Variants in NRP2 observed in about 807,000 individuals in gnomAD.
The protein encoded by NRP2 is neuropilin-2.
In NRP2, 52 loss-of-function variants were observed where a neutral mutation model predicts 110.4. That is an observed-to-expected ratio of 0.47 (90% CI 0.38 to 0.59). The LOEUF (loss-of-function observed/expected upper bound fraction) is 0.59. Among genes scored for constraint, NRP2 ranks in the 20% least tolerant of loss-of-function variants. NRP2 has a pLI of 0.00. For missense variants in NRP2, 1,049 were observed against 1,203.0 expected (o/e 0.87, Z 1.89); for synonymous variants, 508 against 468.9 (o/e 1.08, Z -1.08).
chr2:205,704,917 G>A (rs993791896), intron 2 of NRP2, among the ~76,000 whole-genome samples: 2 of 152,260 alleles, frequency 1.3e-5, no homozygotes, highest in African/African-American at 4.8e-5. Flanking sequence ...TAATTACACC[G>A]GCTGAGAGTC....
At chr2:205,727,719 G>T (rs1463125500) in intron 6 of NRP2, among the ~76,000 whole-genome samples, 172 bp from the exon 7 acceptor site, 3 of 152,222 alleles carry the variant, frequency 2.0e-5, no homozygotes, top group African/African-American at 7.2e-5. Flanking sequence ...GTAAGATAAT[G>T]TGAGTTTAAT....
At chr2:205,714,244 G>A (rs940101462) in intron 2 of NRP2, among the ~76,000 whole-genome samples, 2 of 152,172 alleles carry the variant, frequency 1.3e-5, no homozygotes, top group African/African-American at 2.4e-5. Context: ...GCTCAGAAAG[G>A]TTCAGTAACT....
chr2:205,757,507 A>AT, intron 12 of NRP2, among the ~76,000 whole-genome samples: 1 of 152,286 alleles, frequency 6.6e-6, no homozygotes, highest in Middle Eastern at 3.4e-3. Context: ...AGAGGAAATA[A>AT]CTGATGAGTG....
intron 2 of NRP2, among the ~76,000 whole-genome samples, chr2:205,700,084 G>A (rs1438275256): frequency 6.6e-6 from 1 of 151,932 alleles, no homozygotes; most frequent in South Asian, 2.1e-4. Context: ...ATTTGCATTT[G>A]CCATAAATGG....
At position 205,794,571 on chromosome 2, in the gene NRP2, T is replaced by C. The variant is rs181487049; in HGVS notation, c.2477-183T>C. Among the ~76,000 whole-genome samples the C allele has an allele frequency of 1.1e-3, 160 of 152,290 alleles. 1 individual carries two copies. The highest frequency in any genetic ancestry group is 1.9e-3 in the Non-Finnish European group (128 of 68,018). ...AAAACTGAAGCAAAGAGAGGTTCAA[T>C]AGCTTGCCCAAAGTTACACAGCTAG... On this transcript the variant is annotated intron_variant, in intron 16 of 16. Coordinates refer to ENST00000357785, the MANE Select transcript of NRP2 (RefSeq NM_003872.3).
chr2:205,736,574 T>G (rs2057347249), intron 7 of NRP2, among the ~76,000 whole-genome samples: 1 of 152,194 alleles, frequency 6.6e-6, no homozygotes, highest in African/African-American at 2.4e-5. Context: ...AAAGACCCAC[T>G]TGTTACTTGT....
chr2:205,737,980 A>T (rs531977462), intron 7 of NRP2, among the ~76,000 whole-genome samples: 4 of 152,250 alleles, frequency 2.6e-5, no homozygotes, highest in Non-Finnish European at 4.4e-5. Flanking sequence ...ACACACCGCC[A>T]TCCCAAAGAC....
intron 6 of NRP2, among the ~76,000 whole-genome samples, chr2:205,727,656 C>T (rs1356843492): frequency 1.3e-5 from 2 of 151,998 alleles, no homozygotes; most frequent in Non-Finnish European, 2.9e-5. Flanking sequence ...TTCATATTTG[C>T]AAAAGAGAGA....
intron 1 of NRP2, among the ~76,000 whole-genome samples, chr2:205,690,050 G>A (rs944499057): frequency 5.9e-5 from 9 of 152,210 alleles, no homozygotes; most frequent in East Asian, 1.9e-4. Flanking sequence ...CTGAGTGCAC[G>A]TGGCCGTGGT....
At chr2:205,703,763 C>T (rs1162709444) in intron 2 of NRP2, among the ~76,000 whole-genome samples, 3 of 152,150 alleles carry the variant, frequency 2.0e-5, no homozygotes, top group Non-Finnish European at 2.9e-5. Context: ...TGCCCAAAGA[C>T]AAGAAGGAGG....
At chr2:205,749,541 A>T (rs1433119044) in intron 10 of NRP2, 184 bp from the exon 11 acceptor site, 2 of 582,096 alleles carry the variant, frequency 3.4e-6, no homozygotes, top group Non-Finnish European at 6.4e-6. Context: ...GCAACCCAGG[A>T]CCATTCTCAT....
chr2:205,765,363 CACACAT>C, intron 13 of NRP2, 105 bp from the exon 14 acceptor site: 1 of 860,540 alleles, frequency 1.2e-6, no homozygotes, highest in African/African-American at 1.7e-5. Context: ...CACACACACA[CACACAT>C]ACACACACAC....
chr2:205,769,626 G>A (rs2057987712), intron 15 of NRP2, among the ~76,000 whole-genome samples: 1 of 151,988 alleles, frequency 6.6e-6, no homozygotes, highest in Non-Finnish European at 1.5e-5. Context: ...AGAAAGAGAA[G>A]AAAGAATGAA....
intron 7 of NRP2, among the ~76,000 whole-genome samples, chr2:205,732,885 A>G (rs2057267880): frequency 6.6e-6 from 1 of 152,090 alleles, no homozygotes; most frequent in Non-Finnish European, 1.5e-5. Context: ...TTTTTTTAAA[A>G]AAACCTCCTG....
intron 3 of NRP2, among the ~76,000 whole-genome samples, chr2:205,719,240 G>C (rs2056963426): frequency 6.6e-6 from 1 of 152,166 alleles, no homozygotes; most frequent in African/African-American, 2.4e-5. Context: ...GCCATACAGA[G>C]GGCTCTAGAA....
In NRP2 at chr2:205,794,767, G is replaced by A; in HGVS notation, c.2490G>A (p.Val830=). Residue 830 remains valine (V), a synonymous_variant, in exon 17 of 17, where the codon GTG becomes GTA. Transcript: ENST00000357785. The part of the protein sequence containing the change: ...YEDEIDDEYE[V]DWSNSSSATS... ...TATGTATCGCAGATGAATACGAGGT[G>A]GACTGGAGCAATTCTTCTTCTGCAA... 6.2e-7 allele frequency: 1 copy of A among 1,614,144 alleles called. No individual in the cohort carries two copies. The highest frequency in any genetic ancestry group is 8.5e-7 in the Non-Finnish European group (1 of 1,180,018).
intron 7 of NRP2, among the ~76,000 whole-genome samples, chr2:205,737,516 G>C (rs577472306): frequency 6.6e-6 from 1 of 152,262 alleles, no homozygotes; most frequent in South Asian, 2.1e-4. Context: ...GTAGTGTTTT[G>C]TGTGTGTGTG....
intron 7 of NRP2, among the ~76,000 whole-genome samples, chr2:205,735,168 G>A (rs1052162409): frequency 1.3e-5 from 2 of 152,160 alleles, no homozygotes; most frequent in South Asian, 4.1e-4. Context: ...CATCTACACT[G>A]TCCTGGGCAC....
chr2:205,776,581 C>G, intron 15 of NRP2: 1 of 1,599,630 alleles, frequency 6.3e-7, no homozygotes, highest in Non-Finnish European at 8.5e-7. Context: ...AAACATGTTG[C>G]CTCGATTTTG....
Sources: allele counts gnomAD v4.1 joint callset (sites outside exome capture counted in the v4.1 genomes callset), GRCh38; gene constraint gnomAD v4.1.1; transcripts MANE v1.5; gene names NCBI Gene and HGNC (gene_info 2026-07-23, HGNC 2026-07-21).